The following CUL2 variants were observed in gnomAD, a reference collection of about 807,000 sequenced individuals.
CUL2 encodes cullin-2.
A neutral mutation model predicts 110.2 loss-of-function variants in CUL2; 22 were observed. The ratio of observed to expected loss-of-function variants is 0.20; its 90% CI spans 0.14 to 0.28. The LOEUF is 0.28. Among genes scored for constraint, CUL2 ranks in the 10% least tolerant of loss-of-function variants. The probability of loss-of-function intolerance (pLI) is 1.00; values close to 1 mark genes in which losing one functional copy is unlikely to be tolerated. For synonymous variants in CUL2, 279 were observed against 293.2 expected, an observed-to-expected ratio of 0.95 and a Z score of 0.49; for missense variants, 631 against 905.5, an observed-to-expected ratio of 0.70 and a Z score of 3.89.
intron 2 of CUL2, among the ~76,000 whole-genome samples, chr10:35,097,694 C>G (rs907962731): frequency 4.6e-5 from 7 of 152,104 alleles, no homozygotes; most frequent in African/African-American, 1.7e-4. Flanking sequence ...GGCACAGTGG[C>G]TCACGCCTGC....
At chr10:35,103,327 T>A (rs940944051) in intron 1 of CUL2, among the ~76,000 whole-genome samples, 7 of 121,352 alleles carry the variant, frequency 5.8e-5, no homozygotes, top group African/African-American at 2.0e-4. Flanking sequence ...TTTTTTTTTT[T>A]TTTTTATTTT....
At chr10:35,063,870 A>C (rs1158354675) in intron 2 of CUL2, 1 of 151,992 alleles carries the variant, frequency 6.6e-6, no homozygotes, top group Non-Finnish European at 1.5e-5. Context: ...CCCATTTATA[A>C]CTTTGGGGCC....
intron 20 of CUL2, among the ~76,000 whole-genome samples, chr10:35,011,611 C>G (rs1279903663): frequency 6.6e-6 from 1 of 152,114 alleles, no homozygotes; most frequent in African/African-American, 2.4e-5. Flanking sequence ...GAGCAAGACT[C>G]TGTCTCAACA....
At chr10:35,022,477 G>T (rs1024140562) in intron 17 of CUL2, among the ~76,000 whole-genome samples, 1 of 152,156 alleles carries the variant, frequency 6.6e-6, no homozygotes, top group East Asian at 1.9e-4. Context: ...AGTAACAGGG[G>T]TTCTCAAGAA....
At chr10:35,054,653 A>G in intron 4 of CUL2, 114 bp from the exon 5 acceptor site, 1 of 530,848 alleles carries the variant, frequency 1.9e-6, no homozygotes, top group Non-Finnish European at 3.3e-6. Flanking sequence ...GGAATAGCCT[A>G]CTAACAAATC....
At chr10:35,078,605 A>G (rs1463152648) in intron 1 of CUL2, among the ~76,000 whole-genome samples, 4 of 152,030 alleles carry the variant, frequency 2.6e-5, no homozygotes, top group Non-Finnish European at 5.9e-5. Context: ...CCAGCCCGAC[A>G]TTTTTCATAT....
intron 6 of CUL2, among the ~76,000 whole-genome samples, chr10:35,045,304 T>C (rs1386670567): frequency 6.6e-6 from 1 of 152,078 alleles, no homozygotes; most frequent in Non-Finnish European, 1.5e-5. Context: ...GAATATGAAA[T>C]AGAACCAGGC....
At chr10:35,118,481 A>T (rs1452262203) in intron 1 of CUL2, 1 of 152,214 alleles carries the variant, frequency 6.6e-6, no homozygotes, top group Non-Finnish European at 1.5e-5. Context: ...TTATTTCATT[A>T]ATATTTGTCA....
At position 35,011,892 on chromosome 10, in the gene CUL2, T is replaced by C; in HGVS notation, c.2062A>G (p.Met688Val). Residue 688 changes from methionine (M) to valine (V), a missense_variant, in exon 20 of 21, where the codon ATG (methionine) becomes GTG (valine). Physicochemically the swap from Met to Val is conservative, Grantham distance 21. This residue lies in a region of CUL2 where 159 missense variants were observed against 202.7 expected (regional missense o/e 0.78). Coordinates refer to ENST00000374749, the MANE Select transcript of CUL2 (RefSeq NM_003591.4). ...MYLQAAIVRIMKARKVLRHNA... is the reference protein window; with the variant it reads ...MYLQAAIVRIVKARKVLRHNA... ...TGCCGAAGCACTTTTCGTGCTTTCATGATACGAACTATAGCAGCTTGGAGA... is the reference window on the plus strand; with the variant it reads ...TGCCGAAGCACTTTTCGTGCTTTCACGATACGAACTATAGCAGCTTGGAGA... 6.2e-7 allele frequency: 1 copy of C among 1,614,054 alleles called. No homozygotes were observed. The highest frequency in any genetic ancestry group is 8.5e-7 in the Non-Finnish European group (1 of 1,179,904).
intron 5 of CUL2, among the ~76,000 whole-genome samples, chr10:35,051,591 C>T (rs1449313173): frequency 6.6e-6 from 1 of 151,878 alleles, no homozygotes; most frequent in Admixed American, 6.6e-5. Context: ...CCAGCCTGGG[C>T]GACAGCAAGA....
intron 2 of CUL2, among the ~76,000 whole-genome samples, chr10:35,070,424 G>A (rs1451353610): frequency 6.6e-6 from 1 of 152,162 alleles, no homozygotes; most frequent in Non-Finnish European, 1.5e-5. Flanking sequence ...ACTATCTTAT[G>A]AAATCAGAGC....
intron 2 of CUL2, among the ~76,000 whole-genome samples, chr10:35,069,430 A>G (rs745341555): frequency 6.6e-6 from 1 of 152,008 alleles, no homozygotes; most frequent in Non-Finnish European, 1.5e-5. Context: ...AGTCCCAGCT[A>G]CTCAGGAGGC....
chr10:35,119,797 T>C (rs1233402893), intron 1 of CUL2, among the ~76,000 whole-genome samples: 1 of 152,080 alleles, frequency 6.6e-6, no homozygotes, highest in Admixed American at 6.6e-5. Context: ...CTCGAACTCC[T>C]GGCTTCAAGC....
At chr10:35,084,873 A>G (rs997952349) in intron 1 of CUL2, among the ~76,000 whole-genome samples, 2 of 152,134 alleles carry the variant, frequency 1.3e-5, no homozygotes, top group African/African-American at 4.8e-5. Context: ...TAATCCCAGC[A>G]CTTTGGTAAG....
chr10:35,122,652 T>G (rs1052016236), intron 1 of CUL2, among the ~76,000 whole-genome samples: 1 of 152,074 alleles, frequency 6.6e-6, no homozygotes. Context: ...TTATTTATTT[T>G]TTTGAGCTAG....
At chr10:35,030,119 T>C (rs2085444232) in intron 14 of CUL2, among the ~76,000 whole-genome samples, 1 of 152,194 alleles carries the variant, frequency 6.6e-6, no homozygotes, top group Non-Finnish European at 1.5e-5. Flanking sequence ...TCCCAGTAGC[T>C]GGGACTATTG....
rs11395891 is a variant in CUL2 at position 35,018,122 on chromosome 10, C to CAAA, written c.1685-1731_1685-1729dup. Among the ~76,000 whole-genome samples the CAAA allele has an allele frequency of 7.8e-4, 103 of 131,550 alleles. 2 individuals are homozygous for CAAA. The East Asian group carries it at 0.011, about 14-fold the overall frequency. 86.3% of individuals were successfully genotyped at this position (131,550 alleles called of 152,430 possible). ...TGAAACCCCTGCTCTACTAAAAATA[C>CAAA]AAAAAAAAAAAAAAACTAGCAGGGC... is the stretch of plus-strand genomic sequence containing the variant. On this transcript the variant is annotated intron_variant, in intron 17 of 20. Coordinates refer to ENST00000374749, the MANE Select transcript of CUL2 (RefSeq NM_003591.4).
chr10:35,093,674 AAAAAAAAG>A (rs1400759763), upstream of CUL2, among the ~76,000 whole-genome samples: 1 of 150,802 alleles, frequency 6.6e-6, no homozygotes, highest in Non-Finnish European at 1.5e-5. Context: ...AAAAAAAAAA[AAAAAAAAG>A]AAAAGAAAAG....
chr10:35,106,855 G>A (rs1407560613), intron 1 of CUL2, among the ~76,000 whole-genome samples: 2 of 151,728 alleles, frequency 1.3e-5, no homozygotes, highest in Non-Finnish European at 2.9e-5. Context: ...AAAGAAAAGG[G>A]CAGTTTACTT....
Sources: allele counts gnomAD v4.1 joint callset (sites outside exome capture counted in the v4.1 genomes callset), GRCh38; gene constraint gnomAD v4.1.1; regional missense constraint gnomAD v4.1.1; transcripts MANE v1.5; gene names NCBI Gene and HGNC (gene_info 2026-07-23, HGNC 2026-07-21).